ANKMY2: variants seen among roughly 807,000 people sequenced by gnomAD.
ANKMY2 encodes ankyrin repeat and MYND domain-containing protein 2.
In ANKMY2, 36 loss-of-function variants were observed where a neutral mutation model predicts 50.4. The ratio of observed to expected loss-of-function variants is 0.71; its 90% CI spans 0.55 to 0.94. The LOEUF (loss-of-function observed/expected upper bound fraction) is 0.94. Among genes scored for constraint, ANKMY2 ranks in the 40% least tolerant of loss-of-function variants. ANKMY2 has a pLI of 0.00. For missense variants in ANKMY2, 565 were observed against 524.0 expected (o/e 1.08, Z -0.76); for synonymous variants, 187 against 178.8 (o/e 1.05, Z -0.36).
chr7:16,600,657 C>A lies in ANKMY2; in HGVS notation c.*104G>T. The A allele has an allele frequency of 3.0e-6, 3 of 999,644 alleles. No homozygotes were observed. The highest frequency in any genetic ancestry group is 4.1e-6 in the Non-Finnish European group (3 of 727,010). 61.9% of individuals were successfully genotyped at this position (999,644 alleles called of 1,614,324 possible). A position where few individuals can be genotyped will look rare whatever the true frequency, so the allele number is the denominator to read the frequency against. On this transcript the variant is annotated 3_prime_UTR_variant, in exon 10 of 10. Transcript: ENST00000306999. Reference sequence around the variant, plus strand: ...GTATTCTATGAAATGTGGAATCCTGCCATGGTGCCACGCAGGTATAACAAG... The same window carrying A: ...GTATTCTATGAAATGTGGAATCCTGACATGGTGCCACGCAGGTATAACAAG...
chr7:16,604,879 A>G (rs1249538917), intron 7 of ANKMY2, 30 bp from the exon 8 acceptor site: 2 of 1,589,126 alleles, frequency 1.3e-6, no homozygotes, highest in Admixed American at 1.8e-5. Context: ...GAGAAAAAAC[A>G]AATTCTGAAA....
chr7:16,601,416 A>C (rs1441136446), intron 9 of ANKMY2, among the ~76,000 whole-genome samples: 1 of 152,252 alleles, frequency 6.6e-6, no homozygotes, highest in Non-Finnish European at 1.5e-5. Flanking sequence ...AACAACTGGG[A>C]GTGCCCATTC....
chr7:16,633,374 G>A (rs748233686), intron 2 of ANKMY2, among the ~76,000 whole-genome samples: 7 of 150,826 alleles, frequency 4.6e-5, no homozygotes, highest in Non-Finnish European at 7.4e-5. Flanking sequence ...ATAATTTCAT[G>A]AACTGAAAGC....
At chr7:16,603,282 C>A (rs1022843465) in intron 8 of ANKMY2, among the ~76,000 whole-genome samples, 1 of 152,058 alleles carries the variant, frequency 6.6e-6, no homozygotes, top group Non-Finnish European at 1.5e-5. Flanking sequence ...AGGCAGGCAC[C>A]TAAATACATA....
At chr7:16,623,573 T>C (rs1431417582) in intron 4 of ANKMY2, among the ~76,000 whole-genome samples, 9 of 152,164 alleles carry the variant, frequency 5.9e-5, no homozygotes, top group Non-Finnish European at 1.3e-4. Context: ...CTTCTTTGCA[T>C]ACAGATCAGA....
chr7:16,626,074 C>T (rs977623070), intron 3 of ANKMY2, among the ~76,000 whole-genome samples: 3 of 150,784 alleles, frequency 2.0e-5, no homozygotes, highest in Admixed American at 6.6e-5. Context: ...CTCTGCCTCC[C>T]AGGCTCAAAA....
chr7:16,631,843 G>C (rs1373622704), intron 2 of ANKMY2, among the ~76,000 whole-genome samples: 2 of 152,032 alleles, frequency 1.3e-5, no homozygotes, highest in Admixed American at 1.3e-4. Context: ...TCGAACTCCT[G>C]ACCTCAGGTG....
At chr7:16,614,891 T>C (rs1250434126) in intron 5 of ANKMY2, among the ~76,000 whole-genome samples, 3 of 152,248 alleles carry the variant, frequency 2.0e-5, no homozygotes, top group African/African-American at 7.2e-5. Context: ...ACCTCATCAC[T>C]GTAGCACACA....
intron 4 of ANKMY2, 132 bp from the exon 5 acceptor site, chr7:16,616,036 TAGA>T: frequency 1.2e-6 from 1 of 822,484 alleles, no homozygotes; most frequent in Non-Finnish European, 1.8e-6. Flanking sequence ...GAAAGGAGAG[TAGA>T]GGAGGAGGAG....
chr7:16,613,130 T>C (rs983485826), intron 5 of ANKMY2, among the ~76,000 whole-genome samples: 2 of 152,188 alleles, frequency 1.3e-5, no homozygotes, highest in Non-Finnish European at 2.9e-5. Flanking sequence ...GATTTTGTTT[T>C]TCTCCTAGAT....
At position 16,627,053 on chromosome 7, in the gene ANKMY2, A is replaced by T. The variant is rs749373719; in HGVS notation, c.258T>A (p.Phe86Leu). The T allele has an allele frequency of 3.7e-6, 6 of 1,601,276 alleles. No individual in the cohort carries two copies. Among genetic ancestry groups the T allele is most frequent in the South Asian group, 3.4e-5 (3 of 88,726 alleles). Residue 86 changes from phenylalanine (F) to leucine (L), a missense_variant, in exon 3 of 10, where the codon TTT becomes TTA. Coordinates refer to ENST00000306999, the MANE Select transcript of ANKMY2 (RefSeq NM_020319.3). ...QHEHGYTALM[F>L]AALSGNKDIT... ...CTAAAACTTCACCAGAAAGTGCAGC[A>T]AACATGAGGGCTGTGTATCCATGTT...
intron 1 of ANKMY2, among the ~76,000 whole-genome samples, chr7:16,637,888 T>G (rs1329093815): frequency 6.6e-6 from 1 of 152,230 alleles, no homozygotes; most frequent in Non-Finnish European, 1.5e-5. Flanking sequence ...TGTAAGCATG[T>G]CAAAACCTGC....
intron 2 of ANKMY2, among the ~76,000 whole-genome samples, chr7:16,629,126 T>G (rs953636003): frequency 6.6e-6 from 1 of 152,152 alleles, no homozygotes; most frequent in Non-Finnish European, 1.5e-5. Context: ...TCGTCTCATT[T>G]AAAAAAAATT....
chr7:16,636,574 G>C, intron 1 of ANKMY2, 119 bp from the exon 2 acceptor site: 1 of 633,808 alleles, frequency 1.6e-6, no homozygotes, highest in Non-Finnish European at 2.6e-6. Flanking sequence ...GTCAGTGTAG[G>C]TTGCTAAGAA....
intron 7 of ANKMY2, among the ~76,000 whole-genome samples, chr7:16,609,411 G>C (rs1781209898): frequency 6.6e-6 from 1 of 152,196 alleles, no homozygotes; most frequent in Non-Finnish European, 1.5e-5. Flanking sequence ...GCGACGTCCT[G>C]TTTATGAAAC....
chr7:16,603,088 T>C (rs1781098074), intron 8 of ANKMY2, among the ~76,000 whole-genome samples: 1 of 152,270 alleles, frequency 6.6e-6, no homozygotes, highest in Non-Finnish European at 1.5e-5. Flanking sequence ...TTTAGATTTA[T>C]AGTTTGTAGC....
intron 2 of ANKMY2, among the ~76,000 whole-genome samples, chr7:16,632,443 T>A (rs1476071893): frequency 6.6e-6 from 1 of 152,156 alleles, no homozygotes; most frequent in Non-Finnish European, 1.5e-5. Flanking sequence ...CATCCACTAA[T>A]TTACTTTCTG....
chr7:16,621,323 A>G (rs1385316469), intron 4 of ANKMY2, among the ~76,000 whole-genome samples: 1 of 152,166 alleles, frequency 6.6e-6, no homozygotes, highest in Non-Finnish European at 1.5e-5. Flanking sequence ...CCCTCCCCTA[A>G]AAGAAATGTA....
At chr7:16,619,814 G>T (rs1250489014) in intron 4 of ANKMY2, among the ~76,000 whole-genome samples, 1 of 152,140 alleles carries the variant, frequency 6.6e-6, no homozygotes, top group Non-Finnish European at 1.5e-5. Flanking sequence ...GGCTCACTGA[G>T]TGTGATTAAT....
Sources: allele counts gnomAD v4.1 joint callset (sites outside exome capture counted in the v4.1 genomes callset), GRCh38; gene constraint gnomAD v4.1.1; transcripts MANE v1.5; gene names NCBI Gene and HGNC (gene_info 2026-07-23, HGNC 2026-07-21).